The following DMXL1 variants were observed in gnomAD, a reference collection of about 807,000 sequenced individuals.
The protein encoded by DMXL1 is Dmx like 1, also known as dmX-like protein 1.
DMXL1 carries 99 observed loss-of-function variants against 319.2 expected under a neutral mutation model. The observed-to-expected ratio is 0.31, with a 90% CI of 0.26 to 0.37. The LOEUF (loss-of-function observed/expected upper bound fraction) is 0.37, where lower values mean the gene tolerates loss of function less well. Among genes scored for constraint, DMXL1 ranks in the 10% least tolerant of loss-of-function variants. The pLI, the probability that DMXL1 is intolerant of heterozygous loss-of-function variation, is 1.00. For missense variants in DMXL1, 3,745 were observed against 3,595.6 expected (o/e 1.04, Z -1.06); for synonymous variants, 1,385 against 1,235.2 (o/e 1.12, Z -2.54).
At chr5:119,226,800 C>T (rs1218433973) in intron 38 of DMXL1, among the ~76,000 whole-genome samples, 2 of 152,146 alleles carry the variant, frequency 1.3e-5, no homozygotes, top group African/African-American at 4.8e-5. Flanking sequence ...TACACTGATT[C>T]ACAGAACTCA....
intron 9 of DMXL1, chr5:119,126,877 T>A (rs1463929299): frequency 6.1e-6 from 1 of 164,632 alleles, no homozygotes; most frequent in Non-Finnish European, 1.4e-5. Flanking sequence ...ACGTTTTTCC[T>A]CTAATTCTTT....
At chr5:119,105,119 A>T in intron 3 of DMXL1, 61 bp from the exon 4 acceptor site, 1 of 1,055,700 alleles carries the variant, frequency 9.5e-7, no homozygotes, top group Non-Finnish European at 1.5e-6. Flanking sequence ...GCATAAACGT[A>T]CACATTTGAC....
At chr5:119,143,961 TA>T (rs755945537) in intron 14 of DMXL1, 31 bp downstream of exon 14, 55 of 1,379,970 alleles carry the variant, frequency 4.0e-5, no homozygotes, top group East Asian at 7.2e-5. Context: ...GGAGGTATAT[TA>T]AAAAAAAGTT....
At chr5:119,122,061 G>A (rs1250956692) in intron 9 of DMXL1, among the ~76,000 whole-genome samples, 2 of 143,166 alleles carry the variant, frequency 1.4e-5, no homozygotes, top group Non-Finnish European at 1.5e-5. Context: ...CCTCCCTCCC[G>A]GTCGGGGCGG....
At chr5:119,205,968 T>G (rs1009207499) in intron 33 of DMXL1, among the ~76,000 whole-genome samples, 1 of 152,064 alleles carries the variant, frequency 6.6e-6, no homozygotes, top group African/African-American at 2.4e-5. Context: ...GGGAGAGTAT[T>G]CTGAGAACTG....
At chr5:119,203,168 T>G in intron 32 of DMXL1, 151 bp from the exon 33 acceptor site, 1 of 484,898 alleles carries the variant, frequency 2.1e-6, no homozygotes, top group Middle Eastern at 3.1e-4. Context: ...AAGGAAATCC[T>G]TTAAGGAAAA....
At chr5:119,224,058 G>A (rs910817550) in intron 37 of DMXL1, among the ~76,000 whole-genome samples, 3 of 151,776 alleles carry the variant, frequency 2.0e-5, no homozygotes, top group African/African-American at 7.3e-5. Flanking sequence ...TCTTTTCTCT[G>A]GCCTAGTCTC....
intron 13 of DMXL1, among the ~76,000 whole-genome samples, chr5:119,138,139 AAGG>A (rs1334738734): frequency 6.6e-6 from 1 of 152,220 alleles, no homozygotes; most frequent in Admixed American, 6.5e-5. Context: ...AGAGGGAAAA[AAGG>A]AGCTTAGAAT....
intron 1 of DMXL1, among the ~76,000 whole-genome samples, chr5:119,077,985 T>G (rs1024255512): frequency 2.0e-5 from 3 of 151,584 alleles, no homozygotes; most frequent in Non-Finnish European, 4.4e-5. Flanking sequence ...TCCACCTGCC[T>G]CAGCCTCCCA....
At chr5:119,111,768 A>G (rs1198368136) in intron 5 of DMXL1, among the ~76,000 whole-genome samples, 5 of 152,264 alleles carry the variant, frequency 3.3e-5, no homozygotes, top group Non-Finnish European at 1.5e-5. Flanking sequence ...GTATAACAAT[A>G]GTAAGCAACA....
In DMXL1 at chr5:119,204,399, A is replaced by G. The variant is rs150753415; in HGVS notation, c.7863+963A>G. On this transcript the variant is annotated intron_variant, in intron 33 of 43. Coordinates refer to ENST00000539542, the MANE Select transcript of DMXL1 (RefSeq NM_001290321.3). Reference sequence around the variant, plus strand: ...GGCGATCTACCTGCCTTGGCCTCCCAAAGTGCTGAGATTACAGGCTTGAGC... The same window carrying G: ...GGCGATCTACCTGCCTTGGCCTCCCGAAGTGCTGAGATTACAGGCTTGAGC... 3.4e-3 allele frequency among the ~76,000 whole-genome samples: 512 copies of G among 152,328 alleles called. 8 individuals carry two copies. The highest frequency in any genetic ancestry group is 0.014 in the Middle Eastern group (4 of 294).
chr5:119,200,794 G>A (rs1780562332), intron 32 of DMXL1, among the ~76,000 whole-genome samples: 1 of 152,116 alleles, frequency 6.6e-6, no homozygotes, highest in East Asian at 1.9e-4. Context: ...CTCCTGGTTA[G>A]CTGTATTCCT....
At chr5:119,097,036 A>G (rs1051188605) in intron 1 of DMXL1, among the ~76,000 whole-genome samples, 2 of 152,234 alleles carry the variant, frequency 1.3e-5, no homozygotes, top group African/African-American at 4.8e-5. Flanking sequence ...TGGGAGAGAT[A>G]GTGGTTGGGA....
At chr5:119,223,349 G>A (rs1331534731) in intron 37 of DMXL1, among the ~76,000 whole-genome samples, 1 of 152,126 alleles carries the variant, frequency 6.6e-6, no homozygotes, top group African/African-American at 2.4e-5. Context: ...GAGCCACCGT[G>A]CCCTGCCTTA....
At chr5:119,232,354 T>G (rs1419654974) in intron 38 of DMXL1, among the ~76,000 whole-genome samples, 1 of 152,202 alleles carries the variant, frequency 6.6e-6, no homozygotes, top group African/African-American at 2.4e-5. Context: ...ATTTTAAATA[T>G]TTGATAAGGA....
chr5:119,089,997 GTCTTTTTTTTTTTTT>G (rs1754357402), intron 1 of DMXL1, among the ~76,000 whole-genome samples: 1 of 42,352 alleles, frequency 2.4e-5, no homozygotes, highest in Non-Finnish European at 4.6e-5. Context: ...CTTCGGGTTA[GTCTTTTTTTTTTTTT>G]TTTTTTTTTT....
rs10037953 is a variant in DMXL1 at position 119,226,123 on chromosome 5, G to T, written c.8338+1354G>T. On this transcript the variant is annotated intron_variant, in intron 38 of 43. Coordinates refer to ENST00000539542, the MANE Select transcript of DMXL1 (RefSeq NM_001290321.3). ...CACGCTCAAAGCTTCAAAGGTAATT[G>T]ATGGACCTATTGTCAGAGGTGTTAG... 4.5e-3 allele frequency among the ~76,000 whole-genome samples: 683 copies of T among 152,206 alleles called. 5 individuals carry two copies. Among genetic ancestry groups the T allele is most frequent in the Admixed American group, 7.5e-3 (115 of 15,272 alleles).
chr5:119,162,036 C>T (rs1409448974), intron 19 of DMXL1, among the ~76,000 whole-genome samples: 1 of 152,150 alleles, frequency 6.6e-6, no homozygotes, highest in Non-Finnish European at 1.5e-5. Flanking sequence ...GCGTGAGCTT[C>T]CTGGGAAACA....
At chr5:119,076,112 T>C (rs1750800478) in intron 1 of DMXL1, among the ~76,000 whole-genome samples, 1 of 152,188 alleles carries the variant, frequency 6.6e-6, no homozygotes, top group African/African-American at 2.4e-5. Flanking sequence ...AGACTAACTG[T>C]CTCTGATTTG....
Sources: gnomAD v4.1 joint callset for allele counts (sites outside exome capture counted in the v4.1 genomes callset) on GRCh38, gnomAD v4.1.1 for gene constraint, MANE v1.5 for transcripts, NCBI Gene and HGNC (gene_info 2026-07-23, HGNC 2026-07-21) for gene names.